Variants in MVK observed in about 807,000 individuals in gnomAD.
The protein encoded by MVK is mevalonate kinase.
MVK carries 34 observed loss-of-function variants against 43.2 expected under a neutral mutation model. That is an observed-to-expected ratio of 0.79 (90% CI 0.60 to 1.05). The LOEUF is 1.05. Ranked by LOEUF, MVK falls within the 50% of genes least tolerant of loss-of-function variation. MVK has a pLI of 0.00. For missense variants in MVK, 395 were observed against 504.0 expected (o/e 0.78, Z 2.07); for synonymous variants, 190 against 219.8 (o/e 0.86, Z 1.20).
Position 109,576,039 on chromosome 12 carries a change from G to C in MVK, c.120G>C (p.Arg40=). ...AVSLNLRTFL[R]LQPHSNGKVD... Reference sequence around the variant, plus strand: ...CCTTGAACTTGAGAACATTCCTCCGGCTTCAACCCCACAGCAATGGGAAAG... The same window carrying C: ...CCTTGAACTTGAGAACATTCCTCCGCCTTCAACCCCACAGCAATGGGAAAG... The change falls in exon 3 of 11, where the codon CGG becomes CGC. Residue 40 remains arginine, a synonymous_variant. Coordinates refer to ENST00000228510, the MANE Select transcript of MVK (RefSeq NM_000431.4). 1 of 1,614,162 alleles carries C rather than the reference G, an allele frequency of 6.2e-7. No individual in the cohort carries two copies. Among genetic ancestry groups the C allele is most frequent in the Non-Finnish European group, 8.5e-7 (1 of 1,180,012 alleles).
intron 4 of MVK, among the ~76,000 whole-genome samples, chr12:109,580,485 C>T (rs998591037): frequency 1.3e-5 from 2 of 152,116 alleles, no homozygotes; most frequent in African/African-American, 4.8e-5. Flanking sequence ...GCAGCCCTTC[C>T]CTTGAGCAGC....
chr12:109,573,474 C>G, upstream of MVK: 1 of 1,603,830 alleles, frequency 6.2e-7, no homozygotes. Flanking sequence ...AGGCCGCACA[C>G]AGCCATGAGC....
At chr12:109,596,287 G>C (rs1314708621) in intron 10 of MVK, 139 bp from the exon 11 acceptor site, 1 of 1,250,814 alleles carries the variant, frequency 8.0e-7, no homozygotes, top group African/African-American at 1.5e-5. Context: ...AGGTAACCTT[G>C]GGCTTTATGG....
intron 4 of MVK, among the ~76,000 whole-genome samples, chr12:109,581,173 A>G (rs900294846): frequency 1.3e-5 from 2 of 152,190 alleles, no homozygotes; most frequent in African/African-American, 4.8e-5. Flanking sequence ...CTCTGGTTGA[A>G]TGACCCAGGG....
At chr12:109,592,869 C>T (rs1339621047) in intron 9 of MVK, among the ~76,000 whole-genome samples, 1 of 152,194 alleles carries the variant, frequency 6.6e-6, no homozygotes, top group Non-Finnish European at 1.5e-5. Flanking sequence ...ATTCCTTCCA[C>T]ATAGAAAGGA....
rs1208119762 is a variant in MVK at position 109,595,935 on chromosome 12, C to T, written c.1040-491C>T. On this transcript the variant is annotated intron_variant, in intron 10 of 10. Coordinates refer to ENST00000228510, the MANE Select transcript of MVK (RefSeq NM_000431.4). This position sits in a 1 kb window ranked among gnomAD's most constrained non-coding sequence, Gnocchi z 5.9. Reference sequence around the variant, plus strand: ...CCCAGGCCTCAGGAGGTGGCCACATCCTCACTCCAGCCAACCCCAACTGTT... The same window carrying T: ...CCCAGGCCTCAGGAGGTGGCCACATTCTCACTCCAGCCAACCCCAACTGTT... Among the ~76,000 whole-genome samples, 1 of 152,224 alleles carries T rather than the reference C, an allele frequency of 6.6e-6. No individual in the cohort carries two copies. Among genetic ancestry groups the T allele is most frequent in the Non-Finnish European group, 1.5e-5 (1 of 68,040 alleles).
chr12:109,591,407 C>A, intron 9 of MVK, 50 bp downstream of exon 9: 2 of 1,517,500 alleles, frequency 1.3e-6, no homozygotes, highest in Non-Finnish European at 1.8e-6. Flanking sequence ...CACCACTGTC[C>A]AAGGCAGTGG....
chr12:109,595,270 T>C lies in MVK; in HGVS notation c.1039+89T>C. The C allele has an allele frequency of 6.5e-7, 1 of 1,541,364 alleles. No individual in the cohort carries two copies. The highest frequency in any genetic ancestry group is 8.8e-7 in the Non-Finnish European group (1 of 1,136,830). ...ATTCCCTTGAAAGGAAAAAGAGACCTGGAAACAGGTCTCAGCTCCGCTGTG... is the reference window on the plus strand; with the variant it reads ...ATTCCCTTGAAAGGAAAAAGAGACCCGGAAACAGGTCTCAGCTCCGCTGTG... On this transcript the variant is annotated intron_variant, in intron 10 of 10. Transcript: ENST00000228510. The surrounding 1 kb of genome is among the most constrained non-coding windows in gnomAD (Gnocchi z 5.9).
At chr12:109,575,500 A>C (rs1440520742) in intron 2 of MVK, among the ~76,000 whole-genome samples, 1 of 150,702 alleles carries the variant, frequency 6.6e-6, no homozygotes, top group Non-Finnish European at 1.5e-5. Context: ...TGCAGCCTCC[A>C]ACCTCAGCCT....
rs550696805 is a variant in MVK at position 109,591,327 on chromosome 12, C to T, written c.855C>T (p.Ala285=). 34 of 1,614,214 alleles carry T rather than the reference C, an allele frequency of 2.1e-5. No homozygotes were observed. The South Asian group carries it at 3.6e-4, about 17-fold the overall frequency. Residue 285 remains alanine (A), a synonymous_variant, in exon 9 of 11, where the codon GCC becomes GCT. Coordinates refer to ENST00000228510, the MANE Select transcript of MVK (RefSeq NM_000431.4). ...CERVLGEMGE[A]PAPEQYLVLE... is the part of the protein sequence containing the mutation. ...GCGTGCTGGGAGAGATGGGGGAAGCCCCAGCCCCGGAGCAGTACCTCGTGC... is the reference window on the plus strand; with the variant it reads ...GCGTGCTGGGAGAGATGGGGGAAGCTCCAGCCCCGGAGCAGTACCTCGTGC...
In MVK at chr12:109,593,564, C is replaced by T. The variant is rs538518835; in HGVS notation, c.886-1464C>T. Among the ~76,000 whole-genome samples the T allele has an allele frequency of 2.0e-5, 3 of 152,260 alleles. No individual in the cohort carries two copies. The East Asian group carries it at 5.8e-4, about 29-fold the overall frequency. The stretch of plus-strand genomic sequence containing the variant: ...GCTTGGTACCTACTAGCTCAGTGAT[C>T]GTGGGCAAGTCACTTCTTCTCTGAG... On this transcript the variant is annotated intron_variant, in intron 9 of 10. Transcript: ENST00000228510.
Position 109,595,385 on chromosome 12 carries a change from A to G in MVK, c.1039+204A>G, listed in dbSNP as rs1184316133. Among the ~76,000 whole-genome samples the G allele has an allele frequency of 6.6e-6, 1 of 152,154 alleles. No individual in the cohort carries two copies. The highest frequency in any genetic ancestry group is 1.9e-4 in the East Asian group (1 of 5,184). On this transcript the variant is annotated intron_variant, in intron 10 of 10. Coordinates refer to ENST00000228510, the MANE Select transcript of MVK (RefSeq NM_000431.4). This position sits in a 1 kb window ranked among gnomAD's most constrained non-coding sequence, Gnocchi z 5.9. ...TATCTAGCTTGCAAGATCGTTGCCCAGATTCAAGCAGGAAAGTGCACCTAG... is the reference window on the plus strand; with the variant it reads ...TATCTAGCTTGCAAGATCGTTGCCCGGATTCAAGCAGGAAAGTGCACCTAG...
Position 109,579,882 on chromosome 12 carries a change from G to A in MVK, c.307G>A (p.Val103Ile), listed in dbSNP as rs368584681. 1 of 1,614,156 alleles carries A rather than the reference G, an allele frequency of 6.2e-7. No homozygotes were observed. Among genetic ancestry groups the A allele is most frequent in the African/African-American group, 1.3e-5 (1 of 74,954 alleles). ...TGCAGGCTTGCCTGACGACTGTGCTGTCACCGAGCGCCTGGCTGTGCTGGC... is the reference window on the plus strand; with the variant it reads ...TGCAGGCTTGCCTGACGACTGTGCTATCACCGAGCGCCTGGCTGTGCTGGC... Reference protein sequence around the residue: ...EVAGLPDDCAVTERLAVLAFL... With the variant: ...EVAGLPDDCAITERLAVLAFL... The change falls in exon 4 of 11, where the codon GTC becomes ATC. Residue 103 changes from valine (V) to isoleucine (I), a missense_variant. Coordinates refer to ENST00000228510, the MANE Select transcript of MVK (RefSeq NM_000431.4).
chr12:109,575,038 A>G, intron 2 of MVK, 138 bp downstream of exon 2: 1 of 857,860 alleles, frequency 1.2e-6, no homozygotes, highest in Non-Finnish European at 1.9e-6. Context: ...CAGGCAAGGA[A>G]AAGATTTCTT....
At chr12:109,578,426 G>A (rs970041443) in intron 3 of MVK, among the ~76,000 whole-genome samples, 2 of 137,032 alleles carry the variant, frequency 1.5e-5, no homozygotes, top group Non-Finnish European at 1.6e-5. Context: ...GGGCACTTAC[G>A]TGTGCCAGGC....
intron 4 of MVK, among the ~76,000 whole-genome samples, chr12:109,580,394 C>T (rs1593016262): frequency 6.6e-6 from 1 of 152,302 alleles, no homozygotes; most frequent in East Asian, 1.9e-4. Context: ...TGAGCGACTG[C>T]ACCCGGCCCC....
intron 6 of MVK, among the ~76,000 whole-genome samples, chr12:109,586,548 C>T (rs1258058465): frequency 6.6e-6 from 1 of 152,182 alleles, no homozygotes; most frequent in Non-Finnish European, 1.5e-5. Context: ...ACCCAGGAAT[C>T]CAAGGCCTGG....
chr12:109,585,614 C>T (rs1166873609), intron 5 of MVK, among the ~76,000 whole-genome samples: 1 of 152,092 alleles, frequency 6.6e-6, no homozygotes, highest in Non-Finnish European at 1.5e-5. Context: ...CTAAAAAATA[C>T]AAAAATTAGC....
At chr12:109,580,474 G>A (rs1037342614) in intron 4 of MVK, among the ~76,000 whole-genome samples, 2 of 152,116 alleles carry the variant, frequency 1.3e-5, no homozygotes, top group African/African-American at 4.8e-5. Flanking sequence ...ACCTCAAGGG[G>A]GCAGCCCTTC....
Sources: allele counts gnomAD v4.1 joint callset (sites outside exome capture counted in the v4.1 genomes callset), GRCh38; gene constraint gnomAD v4.1.1; non-coding constraint Gnocchi (gnomAD v3.1); transcripts MANE v1.5; gene names NCBI Gene and HGNC (gene_info 2026-07-23, HGNC 2026-07-21).